Variants in PARP1 observed in about 807,000 individuals in gnomAD.
PARP1 encodes the protein poly(ADP-ribose) polymerase 1.
Under a neutral mutation model 118.7 loss-of-function variants are expected in PARP1, and 44 were observed. The observed-to-expected ratio is 0.37, with a 90% CI of 0.29 to 0.48. PARP1 has a LOEUF of 0.48. Among genes scored for constraint, PARP1 ranks in the 20% least tolerant of loss-of-function variants. The pLI, the probability that PARP1 is intolerant of heterozygous loss-of-function variation, is 0.99. For missense variants in PARP1, 1,100 were observed against 1,272.4 expected (o/e 0.86, Z 2.06); for synonymous variants, 492 against 483.2 (o/e 1.02, Z -0.24).
At position 226,366,052 on chromosome 1, in the gene PARP1, C is replaced by T; in HGVS notation, c.2407G>A (p.Val803Met). The T allele has an allele frequency of 6.2e-7, 1 of 1,603,934 alleles. No homozygotes were observed. Among genetic ancestry groups the T allele is most frequent in the Non-Finnish European group, 8.5e-7 (1 of 1,170,736 alleles). The change falls in exon 18 of 23, where the codon GTG becomes ATG. Residue 803 changes from valine (V) to methionine (M), a missense_variant and splice_region_variant. Val to Met is a conservative substitution (Grantham distance 21, BLOSUM62 1). Coordinates refer to ENST00000366794, the MANE Select transcript of PARP1 (RefSeq NM_001618.4). ...GCTTCTTCAGAATCTCTGTCAACCA[C>T]CTGGATAAACAGAATCTTGGGATTA... ...NYEKLKTDIK[V>M]VDRDSEEAEI...
Position 226,370,490 on chromosome 1 carries a change from T to G in PARP1, c.2098A>C (p.Lys700Gln), listed in dbSNP as rs1664358680. The G allele has an allele frequency of 6.2e-7, 1 of 1,614,012 alleles. No individual in the cohort carries two copies. The highest frequency in any genetic ancestry group is 8.5e-7 in the Non-Finnish European group (1 of 1,179,954). The change falls in exon 15 of 23, where the codon AAG (lysine) becomes CAG (glutamine). Residue 700 changes from lysine (K) to glutamine (Q), a missense_variant. Lys to Gln is a moderately conservative substitution (Grantham distance 53). Transcript: ENST00000366794. Reference protein sequence around the residue: ...EIDLQKMPLGKLSKRQIQAAY... With the variant: ...EIDLQKMPLGQLSKRQIQAAY... ...GCCTGGATCTGCCTTTTGCTCAGCTTCCCCAAGGGCATCTTCTGAAGGTCG... is the reference window on the plus strand; with the variant it reads ...GCCTGGATCTGCCTTTTGCTCAGCTGCCCCAAGGGCATCTTCTGAAGGTCG...
rs530483020 is a variant in PARP1 at position 226,370,833 on chromosome 1, T to C, written c.2071-316A>G. On this transcript the variant is annotated intron_variant, in intron 14 of 22. Coordinates refer to ENST00000366794, the MANE Select transcript of PARP1 (RefSeq NM_001618.4). ...ATATAGCATAATTCCCATCCAATTC[T>C]GATGTGCAGATGAGGGCTCATAAAT... 3.1e-5 allele frequency: 12 copies of C among 386,438 alleles called. No individual in the cohort carries two copies. In the East Asian group the frequency reaches 6.1e-4, roughly 20 times the overall value. The allele number at this position is 386,438 out of a possible 1,614,324, so 23.9% of individuals were successfully genotyped here. A position where few individuals can be genotyped will look rare whatever the true frequency, so the allele number is the denominator to read the frequency against.
chr1:226,407,906 G>C lies in PARP1; in HGVS notation c.24C>G (p.Leu8=). ...CGCTCTTGGCGTACTCGACTCGATAGAGCTTATCCGAAGACTCCGCCATCC... is the reference window on the plus strand; with the variant it reads ...CGCTCTTGGCGTACTCGACTCGATACAGCTTATCCGAAGACTCCGCCATCC... MAESSDK[L]YRVEYAKSGR... Residue 8 remains leucine, a synonymous_variant, in exon 1 of 23, where the codon CTC becomes CTG. Transcript: ENST00000366794. 1 of 1,612,424 alleles carries C rather than the reference G, an allele frequency of 6.2e-7. No homozygotes were observed.
chr1:226,364,124 A>G, intron 19 of PARP1, 54 bp from the exon 20 acceptor site: 1 of 1,599,746 alleles, frequency 6.3e-7, no homozygotes, highest in Non-Finnish European at 8.6e-7. Context: ...AATTAGGAGC[A>G]GCTGTTCACT....
intron 2 of PARP1, among the ~76,000 whole-genome samples, chr1:226,395,711 T>C (rs1664900356): frequency 6.6e-6 from 1 of 152,102 alleles, no homozygotes; most frequent in Non-Finnish European, 1.5e-5. Flanking sequence ...GCAAATGAAA[T>C]ATGGCATATT....
intron 14 of PARP1, among the ~76,000 whole-genome samples, chr1:226,372,236 C>T (rs1042992303): frequency 3.0e-4 from 46 of 152,234 alleles, no homozygotes; most frequent in African/African-American, 1.1e-3. Context: ...CCCAATCCCA[C>T]GTGGACCCCG....
intron 2 of PARP1, among the ~76,000 whole-genome samples, chr1:226,394,585 G>A (rs772911554): frequency 1.3e-5 from 2 of 152,132 alleles, no homozygotes; most frequent in Non-Finnish European, 2.9e-5. Context: ...GCAGCTCTAC[G>A]TGTAATATAA....
chr1:226,401,077 C>T (rs1285361437), intron 2 of PARP1, among the ~76,000 whole-genome samples: 1 of 152,176 alleles, frequency 6.6e-6, no homozygotes, highest in Non-Finnish European at 1.5e-5. Flanking sequence ...CCTGACGTGA[C>T]CTGTACTAAG....
intron 4 of PARP1, 101 bp from the exon 5 acceptor site, chr1:226,388,856 C>G (rs926339433): frequency 1.1e-5 from 10 of 885,110 alleles, no homozygotes; most frequent in South Asian, 6.6e-5. Flanking sequence ...CTATCAACTC[C>G]CTGTAGGGCC....
rs1664312523 is a variant in PARP1, at chr1:226,368,262, G to A, written c.2214C>T (p.Thr738=). ...QILDLSNRFY[T]LIPHDFGMKK... is the part of the protein sequence containing the mutation. ...TCATCCCAAAGTCGTGGGGGATCAG[G>A]GTGTAAAAGCGATTTGAGAGATCCA... Residue 738 remains threonine (T), a synonymous_variant, in exon 16 of 23, where the codon ACC becomes ACT. Coordinates refer to ENST00000366794, the MANE Select transcript of PARP1 (RefSeq NM_001618.4). The A allele has an allele frequency of 1.9e-6, 3 of 1,614,060 alleles. No individual in the cohort carries two copies. The highest frequency in any genetic ancestry group is 2.5e-6 in the Non-Finnish European group (3 of 1,180,026).
At chr1:226,402,161 TG>T (rs1212819286) in intron 2 of PARP1, 52 bp downstream of exon 2, 1 of 1,614,156 alleles carries the variant, frequency 6.2e-7, no homozygotes. Flanking sequence ...GAGGCCCTCC[TG>T]GGAGCTTCAG....
intron 16 of PARP1, 48 bp downstream of exon 16, chr1:226,368,151 A>G: frequency 6.2e-7 from 1 of 1,612,998 alleles, no homozygotes. Flanking sequence ...CAAGGTAGTC[A>G]CACCCCAGCC....
At chr1:226,382,651 G>C (rs1664639782) in intron 8 of PARP1, among the ~76,000 whole-genome samples, 2 of 152,184 alleles carry the variant, frequency 1.3e-5, no homozygotes. Context: ...TCAGCCTCCT[G>C]AGTATCTAGG....
intron 21 of PARP1, 57 bp downstream of exon 21, chr1:226,363,042 G>T: frequency 8.1e-7 from 1 of 1,235,246 alleles, no homozygotes; most frequent in Non-Finnish European, 1.2e-6. Context: ...CAAGCCCCCG[G>T]CTTCTGTGCT....
intron 4 of PARP1, 53 bp from the exon 5 acceptor site, chr1:226,388,808 C>G: frequency 7.4e-7 from 1 of 1,353,838 alleles, no homozygotes; most frequent in Admixed American, 1.7e-5. Context: ...AAGTCTGACA[C>G]CCAATGACTT....
chr1:226,402,445 T>C, intron 1 of PARP1, 66 bp from the exon 2 acceptor site: 2 of 1,468,696 alleles, frequency 1.4e-6, no homozygotes, highest in South Asian at 2.4e-5. Flanking sequence ...CCACTAGACC[T>C]TGACCTTGAC....
At position 226,381,122 on chromosome 1, in the gene PARP1, C is replaced by T. The variant is rs779381164; in HGVS notation, c.1246G>A (p.Gly416Arg). The T allele has an allele frequency of 2.5e-6, 4 of 1,614,172 alleles. No homozygotes were observed. The highest frequency in any genetic ancestry group is 2.5e-6 in the Non-Finnish European group (3 of 1,180,016). ...DEVKAMIEKL[G>R]GKLTGTANKA... ...TTGGCCGTCCCCGTCAACTTCCCCC[C>T]GAGTTTCTCAATCATGGCCTTCACT... Residue 416 changes from glycine (G) to arginine (R), a missense_variant, in exon 9 of 23, where the codon GGG becomes AGG. Transcript: ENST00000366794.
chr1:226,396,529 C>T (rs1488891793), intron 2 of PARP1, among the ~76,000 whole-genome samples: 1 of 151,892 alleles, frequency 6.6e-6, no homozygotes, highest in African/African-American at 2.4e-5. Flanking sequence ...ATGGAGATAT[C>T]CCACATGTTA....
Position 226,379,169 on chromosome 1 carries a change from T to C in PARP1, c.1718A>G (p.Gln573Arg), listed in dbSNP as rs778490248. Residue 573 changes from glutamine to arginine, a missense_variant, in exon 12 of 23, where the codon CAG (glutamine) becomes CGG (arginine). Physicochemically the swap from Gln to Arg is conservative, Grantham distance 43. Around this residue, in one of 2 missense-constraint regions of PARP1, gnomAD observed 948 missense variants for 1,031.8 expected, o/e 0.92. Coordinates refer to ENST00000366794, the MANE Select transcript of PARP1 (RefSeq NM_001618.4). ...VKGTNSYYKL[Q>R]LLEDDKENRY... is the part of the protein sequence containing the mutation. ...GTTTTCCTTGTCGTCCTCCAGAAGC[T>C]GCAGCTTGTAGTAGGAGTTGGTTCC... is the stretch of plus-strand genomic sequence containing the variant. 3 of 1,614,252 alleles carry C rather than the reference T, an allele frequency of 1.9e-6. No individual in the cohort carries two copies. In the South Asian group the frequency reaches 3.3e-5, roughly 18 times the overall value.
Sources: gnomAD v4.1 joint callset for allele counts (sites outside exome capture counted in the v4.1 genomes callset) on GRCh38, gnomAD v4.1.1 for gene constraint, gnomAD v4.1.1 regional missense constraint, MANE v1.5 for transcripts, NCBI Gene and HGNC (gene_info 2026-07-23, HGNC 2026-07-21) for gene names.